Variants in CC2D2B observed in about 807,000 individuals in gnomAD.
The protein encoded by CC2D2B is protein CC2D2B.
Under a neutral mutation model 161.2 loss-of-function variants are expected in CC2D2B, and 128 were observed. The observed-to-expected ratio is 0.79, with a 90% CI of 0.69 to 0.92. CC2D2B has a LOEUF of 0.92. CC2D2B is among the 40% of genes least tolerant of loss of function. CC2D2B has a pLI of 0.00. For missense variants in CC2D2B, 1,173 were observed against 1,375.1 expected (o/e 0.85, Z 2.32); for synonymous variants, 391 against 449.8 (o/e 0.87, Z 1.65).
intron 34 of CC2D2B, among the ~76,000 whole-genome samples, 168 bp from the exon 35 acceptor site, chr10:96,031,652 A>T (rs887133545): frequency 1.3e-5 from 2 of 152,188 alleles, no homozygotes; most frequent in Admixed American, 1.3e-4. Flanking sequence ...TTAAATATGT[A>T]TGTGAAGCAT....
chr10:96,007,165 T>A (rs907374340), intron 25 of CC2D2B, among the ~76,000 whole-genome samples: 1 of 152,112 alleles, frequency 6.6e-6, no homozygotes, highest in Admixed American at 6.6e-5. Flanking sequence ...TTCCTGATCC[T>A]TTCCCACCTC....
intron 17 of CC2D2B, among the ~76,000 whole-genome samples, chr10:95,974,935 G>A (rs1056956998): frequency 2.0e-5 from 3 of 152,148 alleles, no homozygotes; most frequent in Non-Finnish European, 4.4e-5. Context: ...TCATTACACA[G>A]TTGTCAAAAC....
intron 17 of CC2D2B, among the ~76,000 whole-genome samples, chr10:95,978,723 T>G (rs1196778563): frequency 6.6e-6 from 1 of 152,196 alleles, no homozygotes; most frequent in Non-Finnish European, 1.5e-5. Context: ...CATTTTTATG[T>G]TTTTATTTCA....
intron 6 of CC2D2B, among the ~76,000 whole-genome samples, chr10:95,931,868 G>A (rs1259935034): frequency 6.6e-6 from 1 of 152,194 alleles, no homozygotes; most frequent in African/African-American, 2.4e-5. Context: ...ATTTGGGGTG[G>A]AGAGTTCCGT....
At chr10:95,917,686 T>C (rs1223520124) in intron 2 of CC2D2B, among the ~76,000 whole-genome samples, 2 of 152,206 alleles carry the variant, frequency 1.3e-5, no homozygotes, top group Non-Finnish European at 2.9e-5. Context: ...TAATTAAAAC[T>C]CTACCCTTTA....
At chr10:95,988,906 C>T (rs764138699) in intron 20 of CC2D2B, among the ~76,000 whole-genome samples, 11 of 152,150 alleles carry the variant, frequency 7.2e-5, no homozygotes, top group East Asian at 1.9e-4. Context: ...AGTGCAGGGG[C>T]GACATCTACA....
chr10:96,017,026 G>A (rs541199800), intron 30 of CC2D2B, among the ~76,000 whole-genome samples: 3 of 152,204 alleles, frequency 2.0e-5, no homozygotes, highest in South Asian at 2.1e-4. Context: ...CCCATCATAT[G>A]TTTCTAATAA....
At chr10:96,025,164 T>TATATATATAAAAAAAA (rs1564683680) in intron 33 of CC2D2B, among the ~76,000 whole-genome samples, 16 of 7,560 alleles carry the variant, frequency 2.1e-3, no homozygotes, top group Non-Finnish European at 3.1e-3. Context: ...AATATATATA[T>TATATATATAAAAAAAA]ATATATATAT....
chr10:95,996,119 G>C, intron 23 of CC2D2B, 24 bp from the exon 24 acceptor site: 1 of 1,147,456 alleles, frequency 8.7e-7, no homozygotes, highest in South Asian at 1.6e-5. Context: ...TCAAAATCTA[G>C]TCAATGTTTA....
intron 21 of CC2D2B, 146 bp downstream of exon 21, chr10:95,991,607 A>G: frequency 3.0e-6 from 1 of 334,506 alleles, no homozygotes; most frequent in Non-Finnish European, 5.4e-6. Context: ...ATGATTTAAA[A>G]TATTTGGTCA....
intron 32 of CC2D2B, among the ~76,000 whole-genome samples, chr10:96,022,945 A>G (rs1359882402): frequency 6.6e-6 from 1 of 152,202 alleles, no homozygotes; most frequent in Non-Finnish European, 1.5e-5. Flanking sequence ...TGGCCTAGAT[A>G]AAAGTCAGGA....
Position 96,013,817 on chromosome 10 carries a change from T to C in CC2D2B, c.3456T>C (p.Ile1152=). 6.2e-7 allele frequency: 1 copy of C among 1,604,402 alleles called. No individual in the cohort carries two copies. The highest frequency in any genetic ancestry group is 1.1e-5 in the South Asian group (1 of 89,888). ...FDLIARFVSL[I]PFVPNTPDEN... is the part of the protein sequence containing the mutation. ...TCATTGCTCGATTTGTATCTTTGAT[T>C]CCTTTTGTGCCTAATACACCAGATG... is the stretch of plus-strand genomic sequence containing the variant. Residue 1152 remains isoleucine (I), a synonymous_variant, in exon 29 of 35, where the codon ATT becomes ATC. Coordinates refer to ENST00000646931, the MANE Select transcript of CC2D2B (RefSeq NM_001349008.3).
chr10:96,004,930 C>A (rs2078679939), intron 25 of CC2D2B, among the ~76,000 whole-genome samples: 3 of 152,296 alleles, frequency 2.0e-5, no homozygotes, highest in African/African-American at 7.2e-5. Flanking sequence ...AGAAGTTGAA[C>A]AAGACCTTGA....
rs370657256 is a variant in CC2D2B at position 96,019,349 on chromosome 10, G to C, written c.3765+12G>C. On this transcript the variant is annotated intron_variant, in intron 31 of 34. Transcript: ENST00000646931. ...TTGATGATAGAAATGTAAGTATATGGGGAAAAAAAATCTTGAGTTATCTCC... is the reference window on the plus strand; with the variant it reads ...TTGATGATAGAAATGTAAGTATATGCGGAAAAAAAATCTTGAGTTATCTCC... 6.3e-7 allele frequency: 1 copy of C among 1,597,774 alleles called. No individual in the cohort carries two copies. The highest frequency in any genetic ancestry group is 2.2e-5 in the East Asian group (1 of 44,760).
At chr10:95,968,152 G>A (rs1341885679) in intron 14 of CC2D2B, among the ~76,000 whole-genome samples, 1 of 140,882 alleles carries the variant, frequency 7.1e-6, no homozygotes, top group Non-Finnish European at 1.5e-5. Flanking sequence ...TTCAGAGATA[G>A]GGTGGCCTCC....
chr10:95,970,264 C>T (rs1040307415), intron 15 of CC2D2B, among the ~76,000 whole-genome samples: 1 of 152,076 alleles, frequency 6.6e-6, no homozygotes, highest in Non-Finnish European at 1.5e-5. Flanking sequence ...GAACTCCTGA[C>T]CTCAAGTGAT....
At chr10:96,014,076 G>A (rs1196730422) in intron 29 of CC2D2B, among the ~76,000 whole-genome samples, 199 bp downstream of exon 29, 1 of 152,152 alleles carries the variant, frequency 6.6e-6, no homozygotes, top group African/African-American at 2.4e-5. Flanking sequence ...AACATTCTAA[G>A]TGGTAGCTCA....
intron 33 of CC2D2B, 89 bp from the exon 34 acceptor site, chr10:96,027,123 C>CT: frequency 1.3e-6 from 1 of 780,530 alleles, no homozygotes. Flanking sequence ...GACTTCGTCT[C>CT]AAAAAAAAAA....
intron 14 of CC2D2B, among the ~76,000 whole-genome samples, chr10:95,967,470 A>G (rs1274797659): frequency 6.6e-6 from 1 of 151,862 alleles, no homozygotes; most frequent in African/African-American, 2.4e-5. Context: ...TCATCTATTT[A>G]ACACACCCAG....
Sources: gnomAD v4.1 joint callset for allele counts (sites outside exome capture counted in the v4.1 genomes callset) on GRCh38, gnomAD v4.1.1 for gene constraint, MANE v1.5 for transcripts, NCBI Gene and HGNC (gene_info 2026-07-23, HGNC 2026-07-21) for gene names.